The following FOXN3 variants were observed in gnomAD, a reference collection of about 807,000 sequenced individuals.
FOXN3 encodes forkhead box protein N3.
A neutral mutation model predicts 38.4 loss-of-function variants in FOXN3; 7 were observed. That is an observed-to-expected ratio of 0.18 (90% CI 0.10 to 0.34). The LOEUF (loss-of-function observed/expected upper bound fraction) is 0.34, where lower values mean the gene tolerates loss of function less well. Among genes scored for constraint, FOXN3 ranks in the 10% least tolerant of loss-of-function variants. The probability of loss-of-function intolerance (pLI) is 1.00; values close to 1 mark genes in which losing one functional copy is unlikely to be tolerated. For missense variants in FOXN3, 456 were observed against 613.4 expected (o/e 0.74, Z 2.71); for synonymous variants, 230 against 242.2 (o/e 0.95, Z 0.47).
chr14:89,545,105 A>T (rs982513051), intron 1 of FOXN3, among the ~76,000 whole-genome samples: 2 of 152,222 alleles, frequency 1.3e-5, no homozygotes, highest in African/African-American at 4.8e-5. Context: ...GGGTTCTGGA[A>T]TGAAGCAGGC....
chr14:89,301,005 G>A (rs1887201553), intron 3 of FOXN3, among the ~76,000 whole-genome samples: 1 of 151,814 alleles, frequency 6.6e-6, no homozygotes, highest in Admixed American at 6.6e-5. Context: ...GTTTCACCAT[G>A]TTGGCCAGGC....
intron 1 of FOXN3, among the ~76,000 whole-genome samples, chr14:89,594,043 G>A (rs755508855): frequency 6.6e-6 from 1 of 152,204 alleles, no homozygotes; most frequent in Non-Finnish European, 1.5e-5. Context: ...TTATCGGTAT[G>A]TCACTTTTCA....
intron 4 of FOXN3, among the ~76,000 whole-genome samples, chr14:89,236,179 G>T (rs750740288): frequency 1.3e-5 from 2 of 152,196 alleles, no homozygotes; most frequent in African/African-American, 4.8e-5. Flanking sequence ...CAAAAGTCTG[G>T]TCAGGGTCAC....
chr14:89,293,856 C>T (rs1036143925), intron 3 of FOXN3, among the ~76,000 whole-genome samples: 4 of 152,168 alleles, frequency 2.6e-5, no homozygotes, highest in Non-Finnish European at 4.4e-5. Flanking sequence ...CTGTCTTTTC[C>T]TGAATCCCTA....
At chr14:89,423,097 GA>G (rs1891949976) in intron 1 of FOXN3, among the ~76,000 whole-genome samples, 4 of 152,194 alleles carry the variant, frequency 2.6e-5, no homozygotes, top group Admixed American at 2.6e-4. Flanking sequence ...GAGGCCAGGA[GA>G]AACAGAAGAC....
Position 89,158,639 on chromosome 14 carries a change from T to C in FOXN3, c.*3775A>G, listed in dbSNP as rs1424868718. ...ATATTATAAGGCTGGGAAAAATCTA[T>C]GATGCAAACCCTTTCCACATAGTAC... On this transcript the variant is annotated 3_prime_UTR_variant, in exon 6 of 6. Transcript: ENST00000557258. 2.0e-5 allele frequency: 3 copies of C among 152,556 alleles called. No homozygotes were observed. Among genetic ancestry groups the C allele is most frequent in the Non-Finnish European group, 4.4e-5 (3 of 68,036 alleles). 9.5% of individuals were successfully genotyped at this position (152,556 alleles called of 1,614,324 possible).
chr14:89,180,830 A>C, intron 4 of FOXN3, 24 bp from the exon 5 acceptor site: 2 of 1,572,342 alleles, frequency 1.3e-6, no homozygotes, highest in Non-Finnish European at 1.7e-6. Flanking sequence ...GGGGAGAAAG[A>C]CACCGCACGT....
intron 4 of FOXN3, among the ~76,000 whole-genome samples, chr14:89,222,224 C>A (rs1402022396): frequency 6.6e-6 from 1 of 152,192 alleles, no homozygotes; most frequent in Non-Finnish European, 1.5e-5. Flanking sequence ...AAGTACCCTG[C>A]CTATGCCCAC....
chr14:89,311,117 A>AAC (rs1316008760), intron 3 of FOXN3, among the ~76,000 whole-genome samples: 1 of 151,108 alleles, frequency 6.6e-6, no homozygotes, highest in Non-Finnish European at 1.5e-5. Context: ...AAAAAAAAAA[A>AAC]AAAACCTGAC....
chr14:89,565,224 C>A (rs560072278), intron 1 of FOXN3, among the ~76,000 whole-genome samples: 2 of 151,858 alleles, frequency 1.3e-5, no homozygotes, highest in South Asian at 2.1e-4. Flanking sequence ...GAATTGCTAG[C>A]AACACCAGAA....
chr14:89,252,328 T>C (rs987814017), intron 4 of FOXN3, among the ~76,000 whole-genome samples: 2 of 152,108 alleles, frequency 1.3e-5, no homozygotes, highest in African/African-American at 4.8e-5. Context: ...GACAGGGTGA[T>C]CTTGAAAATT....
intron 5 of FOXN3, among the ~76,000 whole-genome samples, chr14:89,170,967 A>C (rs1887373647): frequency 6.6e-6 from 1 of 152,206 alleles, no homozygotes; most frequent in Non-Finnish European, 1.5e-5. Context: ...AGAAAAACAG[A>C]ATAAATCCAA....
chr14:89,230,359 C>T (rs1019830568), intron 4 of FOXN3, among the ~76,000 whole-genome samples: 11 of 152,236 alleles, frequency 7.2e-5, no homozygotes, highest in African/African-American at 2.4e-4. Context: ...ATCACCTCCA[C>T]CATCCTCTGC....
chr14:89,263,097 G>C (rs1363913277), intron 4 of FOXN3, among the ~76,000 whole-genome samples: 1 of 152,140 alleles, frequency 6.6e-6, no homozygotes, highest in Non-Finnish European at 1.5e-5. Flanking sequence ...CGCTTGCTAT[G>C]AAGTTTCAAG....
intron 1 of FOXN3, among the ~76,000 whole-genome samples, chr14:89,554,881 C>T (rs1258571889): frequency 6.7e-6 from 1 of 148,562 alleles, no homozygotes; most frequent in East Asian, 2.0e-4. Context: ...CTCAGCCTCC[C>T]AGGTTCAAGC....
chr14:89,508,471 C>T (rs2139802325), intron 1 of FOXN3, among the ~76,000 whole-genome samples: 1 of 152,304 alleles, frequency 6.6e-6, no homozygotes, highest in South Asian at 2.1e-4. Flanking sequence ...CTACACCACC[C>T]CAGAGAGAGA....
intron 2 of FOXN3, among the ~76,000 whole-genome samples, chr14:89,383,042 T>G (rs868395878): frequency 1.7e-4 from 25 of 149,642 alleles, no homozygotes; most frequent in Non-Finnish European, 3.0e-4. Context: ...TTTTTTTTTT[T>G]TTTTTTTTTT....
intron 3 of FOXN3, among the ~76,000 whole-genome samples, chr14:89,281,486 G>A (rs911423542): frequency 7.2e-5 from 11 of 152,062 alleles, no homozygotes; most frequent in Non-Finnish European, 1.3e-4. Context: ...TTAATATATG[G>A]AGATGACCTT....
chr14:89,163,092 G>T lies in FOXN3; in HGVS notation c.852-123C>A. On this transcript the variant is annotated intron_variant, in intron 5 of 5. Coordinates refer to ENST00000557258, the MANE Select transcript of FOXN3 (RefSeq NM_005197.4). This position sits in a 1 kb window ranked among gnomAD's most constrained non-coding sequence, Gnocchi z 4.3. ...CATCAGTCCCTTTGTGTTCAATGGA[G>T]CCACTCGCAAACTGTGGGGGCAACA... 1 of 905,522 alleles carries T rather than the reference G, an allele frequency of 1.1e-6. No homozygotes were observed. Among genetic ancestry groups the T allele is most frequent in the Non-Finnish European group, 1.6e-6 (1 of 638,492 alleles). The allele number at this position is 905,522 out of a possible 1,614,324, so 56.1% of individuals were successfully genotyped here.
Sources: allele counts gnomAD v4.1 joint callset (sites outside exome capture counted in the v4.1 genomes callset), GRCh38; gene constraint gnomAD v4.1.1; non-coding constraint Gnocchi (gnomAD v3.1); transcripts MANE v1.5; gene names NCBI Gene and HGNC (gene_info 2026-07-23, HGNC 2026-07-21).